Variants in UNC13C observed in about 807,000 individuals in gnomAD.
The protein encoded by UNC13C is unc-13 homolog C.
In UNC13C, 174 loss-of-function variants were observed where a neutral mutation model predicts 245.4. The ratio of observed to expected loss-of-function variants is 0.71; its 90% CI spans 0.63 to 0.80. The LOEUF (loss-of-function observed/expected upper bound fraction) is 0.80. Ranked by LOEUF, UNC13C falls within the 30% of genes least tolerant of loss-of-function variation. The pLI, the probability that UNC13C is intolerant of heterozygous loss-of-function variation, is 0.00. For missense variants in UNC13C, 2,829 were observed against 2,602.9 expected (o/e 1.09, Z -1.89); for synonymous variants, 992 against 895.1 (o/e 1.11, Z -1.93).
chr15:54,134,420 CTG>C (rs3985789), intron 2 of UNC13C, among the ~76,000 whole-genome samples: 2 of 127,454 alleles, frequency 1.6e-5, no homozygotes, highest in African/African-American at 5.1e-5. Flanking sequence ...AAATAATCAT[CTG>C]TGTGTGTGTG....
chr15:54,297,660 T>C (rs569491688), intron 11 of UNC13C, 151 bp from the exon 12 acceptor site: 187 of 663,668 alleles, frequency 2.8e-4, no homozygotes, highest in Non-Finnish European at 4.8e-4. Flanking sequence ...GGCCTCATCA[T>C]GGTTACTTAA....
rs564924413 is a variant in UNC13C, at chr15:54,120,146, C to T, written c.2984-22872C>T. ...ATAGACAAAACAGCCTTCTATTGGA[C>T]GAAAACGACACCAGGACTTTTAAAG... On this transcript the variant is annotated intron_variant, in intron 2 of 32. Coordinates refer to ENST00000260323, the MANE Select transcript of UNC13C (RefSeq NM_001080534.3). 1.1e-4 allele frequency among the ~76,000 whole-genome samples: 16 copies of T among 152,244 alleles called. 1 individual carries two copies. The highest frequency in any genetic ancestry group is 2.9e-4 in the African/African-American group (12 of 41,556).
intron 2 of UNC13C, among the ~76,000 whole-genome samples, chr15:54,074,731 G>T (rs12913167): frequency 6.6e-6 from 1 of 151,930 alleles, no homozygotes; most frequent in East Asian, 1.9e-4. Context: ...ATTTCATATT[G>T]CAAGACTTGG....
rs188172450 is a variant in UNC13C, at chr15:54,171,510, T to C, written c.3071+27826T>C. Among the ~76,000 whole-genome samples the C allele has an allele frequency of 1.8e-3, 279 of 152,192 alleles. 1 individual carries two copies. The highest frequency in any genetic ancestry group is 6.6e-3 in the African/African-American group (275 of 41,546). On this transcript the variant is annotated intron_variant, in intron 4 of 32. Coordinates refer to ENST00000260323, the MANE Select transcript of UNC13C (RefSeq NM_001080534.3). ...AACAGGTATATGAAAAAGTGCTCAATGTCATTGATCACCAGGGAAATGCAA... is the reference window on the plus strand; with the variant it reads ...AACAGGTATATGAAAAAGTGCTCAACGTCATTGATCACCAGGGAAATGCAA...
At chr15:54,566,423 T>C (rs1043582668) in intron 29 of UNC13C, among the ~76,000 whole-genome samples, 11 of 152,098 alleles carry the variant, frequency 7.2e-5, no homozygotes, top group Non-Finnish European at 1.0e-4. Context: ...TTAAAACTTA[T>C]GTTTTGTCTT....
chr15:53,989,086 T>C (rs1377274460), intron 1 of UNC13C, among the ~76,000 whole-genome samples: 5 of 151,996 alleles, frequency 3.3e-5, no homozygotes, highest in Admixed American at 6.6e-5. Flanking sequence ...TTCTTTTAAA[T>C]AGATGCCATG....
At chr15:54,231,172 T>C (rs887308462) in intron 4 of UNC13C, among the ~76,000 whole-genome samples, 5 of 152,046 alleles carry the variant, frequency 3.3e-5, no homozygotes, top group African/African-American at 1.2e-4. Context: ...TGAAATACAT[T>C]GAAAAAATAT....
chr15:54,597,115 T>C (rs1055343810), intron 30 of UNC13C, among the ~76,000 whole-genome samples: 4 of 152,152 alleles, frequency 2.6e-5, no homozygotes, highest in Non-Finnish European at 5.9e-5. Context: ...ATCCCTCACA[T>C]GCGCAATTCA....
At chr15:53,979,702 G>A (rs1450049278) in intron 1 of UNC13C, among the ~76,000 whole-genome samples, 2 of 152,104 alleles carry the variant, frequency 1.3e-5, no homozygotes, top group East Asian at 1.9e-4. Flanking sequence ...AATTTTCCTC[G>A]TTAGGCTTTT....
At chr15:53,896,908 T>A in the UNC13C span, among the ~76,000 whole-genome samples, 2 of 152,198 alleles carry the variant, frequency 1.3e-5, no homozygotes, top group African/African-American at 4.8e-5. Context: ...CTGTCCTGGA[T>A]GACCTACCTC....
chr15:53,897,256 A>G, the UNC13C span, among the ~76,000 whole-genome samples: 1 of 152,226 alleles, frequency 6.6e-6, no homozygotes, highest in African/African-American at 2.4e-5. Context: ...AGCTCATTGA[A>G]TAAATGAAAG....
chr15:54,061,342 T>C (rs1400296603), intron 2 of UNC13C, among the ~76,000 whole-genome samples: 2 of 152,076 alleles, frequency 1.3e-5, no homozygotes, highest in African/African-American at 4.8e-5. Flanking sequence ...CCCTCAGAAT[T>C]TAGGTGGCTG....
chr15:54,304,681 T>C (rs1300365818), intron 13 of UNC13C, among the ~76,000 whole-genome samples: 1 of 149,450 alleles, frequency 6.7e-6, no homozygotes, highest in Non-Finnish European at 1.5e-5. Context: ...AACCCTTACC[T>C]GATCTTGTCC....
chr15:54,145,311 A>C (rs1265082650), intron 4 of UNC13C, among the ~76,000 whole-genome samples: 2 of 152,138 alleles, frequency 1.3e-5, no homozygotes, highest in Admixed American at 6.6e-5. Flanking sequence ...ACTTATTTTA[A>C]ATAAAATATT....
In UNC13C at chr15:54,300,417, A is replaced by C. The variant is rs543239469; in HGVS notation, c.4268+44A>C. On this transcript the variant is annotated intron_variant, in intron 13 of 32. Transcript: ENST00000260323. ...TTACATGGTCAATATCTCTATTAAAATATAAAGAAAGAAAGGAGCGTTCAT... is the reference window on the plus strand; with the variant it reads ...TTACATGGTCAATATCTCTATTAAACTATAAAGAAAGAAAGGAGCGTTCAT... 1,590 of 1,494,150 alleles carry C rather than the reference A, an allele frequency of 1.1e-3. 31 individuals carry two copies. The South Asian group carries it at 0.019, about 18-fold the overall frequency. The allele number at this position is 1,494,150 out of a possible 1,614,324, so 92.6% of individuals were successfully genotyped here.
At chr15:53,924,064 G>T in the UNC13C span, among the ~76,000 whole-genome samples, 4 of 152,036 alleles carry the variant, frequency 2.6e-5, no homozygotes, top group East Asian at 5.8e-4. Flanking sequence ...AAAATTAGCC[G>T]GGTGTAGTGG....
At chr15:54,182,930 A>G (rs2033849422) in intron 4 of UNC13C, among the ~76,000 whole-genome samples, 2 of 152,108 alleles carry the variant, frequency 1.3e-5, no homozygotes, top group South Asian at 2.1e-4. Flanking sequence ...GGCATAAAGT[A>G]TTGAGTTAAA....
intron 28 of UNC13C, 138 bp downstream of exon 28, chr15:54,549,829 G>A (rs866802649): frequency 1.7e-6 from 1 of 587,456 alleles, no homozygotes; most frequent in Non-Finnish European, 2.9e-6. Context: ...TCTGCTTTAG[G>A]AATTTTTAAC....
intron 19 of UNC13C, among the ~76,000 whole-genome samples, chr15:54,479,740 C>G (rs1033750696): frequency 6.6e-6 from 1 of 151,682 alleles, no homozygotes; most frequent in African/African-American, 2.4e-5. Context: ...TGTATGCACT[C>G]TACTAGTAAA....
Sources: allele counts gnomAD v4.1 joint callset (sites outside exome capture counted in the v4.1 genomes callset), GRCh38; gene constraint gnomAD v4.1.1; transcripts MANE v1.5; gene names NCBI Gene and HGNC (gene_info 2026-07-23, HGNC 2026-07-21).